Variants in ZDHHC21 observed in about 807,000 individuals in gnomAD.
The protein encoded by ZDHHC21 is palmitoyltransferase ZDHHC21.
A neutral mutation model predicts 34.6 loss-of-function variants in ZDHHC21; 15 were observed. That is an observed-to-expected ratio of 0.43 (90% CI 0.29 to 0.67). ZDHHC21 has a LOEUF of 0.67. Among genes scored for constraint, ZDHHC21 ranks in the 30% least tolerant of loss-of-function variants. The probability of loss-of-function intolerance (pLI) is 0.14; values close to 1 mark genes in which losing one functional copy is unlikely to be tolerated. For missense variants in ZDHHC21, 344 were observed against 327.7 expected (o/e 1.05, Z -0.38); for synonymous variants, 142 against 101.8 (o/e 1.40, Z -2.38).
intron 8 of ZDHHC21, among the ~76,000 whole-genome samples, chr9:14,625,730 C>G (rs944097761): frequency 1.3e-5 from 2 of 149,850 alleles, no homozygotes; most frequent in Non-Finnish European, 3.0e-5. Flanking sequence ...AACAAACAAA[C>G]AAGTGGTTTT....
chr9:14,646,408 T>C (rs1830285386), intron 7 of ZDHHC21, among the ~76,000 whole-genome samples: 1 of 152,154 alleles, frequency 6.6e-6, no homozygotes, highest in African/African-American at 2.4e-5. Context: ...TTATTAATTT[T>C]AGAAAACCAA....
intron 2 of ZDHHC21, among the ~76,000 whole-genome samples, chr9:14,681,169 G>A (rs1587443310): frequency 2.0e-5 from 3 of 152,086 alleles, no homozygotes; most frequent in African/African-American, 4.8e-5. Context: ...AAAAGTTTAA[G>A]GAAGTGATAT....
chr9:14,688,440 A>T (rs916709023), intron 2 of ZDHHC21, among the ~76,000 whole-genome samples: 2 of 150,864 alleles, frequency 1.3e-5, no homozygotes, highest in African/African-American at 5.0e-5. Flanking sequence ...CAGTTTAACA[A>T]TACCCCAGGG....
At position 14,613,046 on chromosome 9, in the gene ZDHHC21, T is replaced by C. The variant is rs1275025569; in HGVS notation, c.*5920A>G. 6.6e-6 allele frequency: 1 copy of C among 151,884 alleles called. No homozygotes were observed. Among genetic ancestry groups the C allele is most frequent in the African/African-American group, 2.4e-5 (1 of 41,402 alleles). 9.4% of individuals were successfully genotyped at this position (151,884 alleles called of 1,614,324 possible). ...AATAAAACAACTTGTGAAAAGTGCT[T>C]CAATTATCTTTTGTAATTTCAGCCT... is the stretch of plus-strand genomic sequence containing the variant. On this transcript the variant is annotated 3_prime_UTR_variant, in exon 10 of 10. Coordinates refer to ENST00000380916, the MANE Select transcript of ZDHHC21 (RefSeq NM_178566.6).
At chr9:14,682,115 G>A (rs558610741) in intron 2 of ZDHHC21, among the ~76,000 whole-genome samples, 1 of 152,136 alleles carries the variant, frequency 6.6e-6, no homozygotes, top group Non-Finnish European at 1.5e-5. Context: ...ACAGATGCTA[G>A]GAAGAAACTG....
rs78913240 is a variant in ZDHHC21 at position 14,674,799 on chromosome 9, G to T, written c.-45-414C>A. On this transcript the variant is annotated intron_variant, in intron 3 of 9. Coordinates refer to ENST00000380916, the MANE Select transcript of ZDHHC21 (RefSeq NM_178566.6). ...GTAGCTTTAATCAGAAGACTGATGG[G>T]TCACACAAGTCAAAACAGTGGTTAC... 8.6e-3 allele frequency among the ~76,000 whole-genome samples: 1,314 copies of T among 152,026 alleles called. 23 individuals carry two copies. Among genetic ancestry groups the T allele is most frequent in the African/African-American group, 0.029 (1,223 of 41,484 alleles).
chr9:14,622,953 CGT>C (rs776013308), intron 8 of ZDHHC21, among the ~76,000 whole-genome samples: 10 of 152,100 alleles, frequency 6.6e-5, no homozygotes, highest in Middle Eastern at 3.4e-3. Flanking sequence ...GTCTGCTACA[CGT>C]AGTTACCTAA....
chr9:14,686,463 T>A (rs868215346), intron 2 of ZDHHC21, among the ~76,000 whole-genome samples: 69 of 152,336 alleles, frequency 4.5e-4, no homozygotes, highest in African/African-American at 1.6e-3. Flanking sequence ...TATTAAATAC[T>A]GAGAATGTAA....
At chr9:14,600,547 G>A in the ZDHHC21 span, among the ~76,000 whole-genome samples, 1 of 152,180 alleles carries the variant, frequency 6.6e-6, no homozygotes, top group Non-Finnish European at 1.5e-5. Flanking sequence ...TGGATAGGAA[G>A]AATCAATATG....
intron 8 of ZDHHC21, among the ~76,000 whole-genome samples, chr9:14,639,608 T>A (rs1388783520): frequency 1.3e-5 from 2 of 152,120 alleles, no homozygotes; most frequent in East Asian, 3.8e-4. Context: ...GATACTCATA[T>A]GTACCCCATA....
Position 14,618,937 on chromosome 9 carries a change from G to C in ZDHHC21, c.*29C>G. ...ACCTGTAACGCATTGCCAGCATGGA[G>C]GACCCATCTGTGCCCACCATCCATC... On this transcript the variant is annotated 3_prime_UTR_variant, in exon 10 of 10. Transcript: ENST00000380916. The C allele has an allele frequency of 6.4e-7, 1 of 1,557,842 alleles. No homozygotes were observed. The highest frequency in any genetic ancestry group is 8.7e-7 in the Non-Finnish European group (1 of 1,151,494).
chr9:14,685,940 C>A (rs1014974492), intron 2 of ZDHHC21, among the ~76,000 whole-genome samples: 1 of 151,746 alleles, frequency 6.6e-6, no homozygotes, highest in African/African-American at 2.4e-5. Context: ...TCATTCTCAG[C>A]AAACTATTAC....
At chr9:14,659,688 T>C (rs1383931403) in intron 6 of ZDHHC21, among the ~76,000 whole-genome samples, 1 of 152,208 alleles carries the variant, frequency 6.6e-6, no homozygotes, top group Non-Finnish European at 1.5e-5. Context: ...TGTAACAGGT[T>C]TCGGTCCTAA....
rs1311648602 is a variant in ZDHHC21, at chr9:14,618,178, A to G, written c.*788T>C. 1 of 152,542 alleles carries G rather than the reference A, an allele frequency of 6.6e-6. No homozygotes were observed. Among genetic ancestry groups the G allele is most frequent in the African/African-American group, 2.4e-5 (1 of 41,456 alleles). 9.4% of individuals were successfully genotyped at this position (152,542 alleles called of 1,614,324 possible). A position where few individuals can be genotyped will look rare whatever the true frequency, so the allele number is the denominator to read the frequency against. On this transcript the variant is annotated 3_prime_UTR_variant, in exon 10 of 10. Coordinates refer to ENST00000380916, the MANE Select transcript of ZDHHC21 (RefSeq NM_178566.6). ...TTTTTGCTCATTAAAATCTTAGGAT[A>G]AAATAGGAATACATGCCCACTGGTC...
At chr9:14,624,450 T>G (rs374237662) in intron 8 of ZDHHC21, among the ~76,000 whole-genome samples, 1 of 152,122 alleles carries the variant, frequency 6.6e-6, no homozygotes, top group Non-Finnish European at 1.5e-5. Flanking sequence ...ATAAAGTAAA[T>G]ATGGTATATA....
chr9:14,692,776 C>T (rs1475641012), intron 1 of ZDHHC21, among the ~76,000 whole-genome samples: 1 of 151,980 alleles, frequency 6.6e-6, no homozygotes. Context: ...CACCAGAAGT[C>T]TGGAATGAAT....
intron 8 of ZDHHC21, among the ~76,000 whole-genome samples, chr9:14,623,601 G>C (rs546797510): frequency 9.6e-5 from 14 of 145,506 alleles, no homozygotes; most frequent in Admixed American, 2.1e-4. Context: ...CATCTGACAA[G>C]GGGTTAATAC....
At chr9:14,663,575 G>A (rs1286509164) in intron 5 of ZDHHC21, among the ~76,000 whole-genome samples, 1 of 86,618 alleles carries the variant, frequency 1.2e-5, no homozygotes, top group South Asian at 3.3e-4. Flanking sequence ...TTCTCTGTTT[G>A]AATTCCATTA....
chr9:14,651,925 G>T (rs1831304144), intron 7 of ZDHHC21, among the ~76,000 whole-genome samples: 1 of 151,788 alleles, frequency 6.6e-6, no homozygotes, highest in Admixed American at 6.6e-5. Flanking sequence ...CAATCTACAG[G>T]TTTTAGAACC....
Sources: gnomAD v4.1 joint callset for allele counts (sites outside exome capture counted in the v4.1 genomes callset) on GRCh38, gnomAD v4.1.1 for gene constraint, MANE v1.5 for transcripts, NCBI Gene and HGNC (gene_info 2026-07-23, HGNC 2026-07-21) for gene names.